The following TRIM9 variants were observed in gnomAD, a reference collection of about 807,000 sequenced individuals.
TRIM9 encodes tripartite motif containing 9.
A neutral mutation model predicts 78.3 loss-of-function variants in TRIM9; 26 were observed. The observed-to-expected ratio is 0.33, with a 90% confidence interval of 0.24 to 0.46. The LOEUF (loss-of-function observed/expected upper bound fraction) is 0.46, where lower values mean the gene tolerates loss of function less well. Ranked by LOEUF, TRIM9 falls within the 20% of genes least tolerant of loss-of-function variation. TRIM9 has a pLI of 1.00. For missense variants in TRIM9, 787 were observed against 1,036.4 expected (o/e 0.76, Z 3.30); for synonymous variants, 398 against 416.5 (o/e 0.96, Z 0.54).
At position 51,000,677 on chromosome 14, in the gene TRIM9, A is replaced by G; in HGVS notation, c.1464+6T>C. The G allele has an allele frequency of 6.2e-7, 1 of 1,613,992 alleles. No homozygotes were observed. The highest frequency in any genetic ancestry group is 8.5e-7 in the Non-Finnish European group (1 of 1,179,914). ...TTAACAAGTACGTAGTGGGCTGTCTACTGACCCGGAATTGACCACCGTTGC... is the reference window on the plus strand; with the variant it reads ...TTAACAAGTACGTAGTGGGCTGTCTGCTGACCCGGAATTGACCACCGTTGC... On this transcript the variant is annotated splice_donor_region_variant and intron_variant, in intron 6 of 12. Coordinates refer to ENST00000684578, the MANE Select transcript of TRIM9 (RefSeq NM_001387360.1).
At position 51,025,272 on chromosome 14, in the gene TRIM9, T is replaced by C. The variant is rs2058112531; in HGVS notation, c.911A>G (p.Gln304Arg). The C allele has an allele frequency of 1.9e-6, 3 of 1,614,224 alleles. No homozygotes were observed. Among genetic ancestry groups the C allele is most frequent in the Non-Finnish European group, 2.5e-6 (3 of 1,180,034 alleles). Reference protein sequence around the residue: ...FLVQLRNMVQQIQENSVEFEA... With the variant: ...FLVQLRNMVQRIQENSVEFEA... Reference sequence around the variant, plus strand: ...CCCAGGTAACACCCATACCTGGATCTGCTGGACCATGTTGCGCAGCTGTAC... The same window carrying C: ...CCCAGGTAACACCCATACCTGGATCCGCTGGACCATGTTGCGCAGCTGTAC... The change falls in exon 2 of 13, where the codon CAG (glutamine) becomes CGG (arginine). Residue 304 changes from glutamine to arginine, a missense_variant. Coordinates refer to ENST00000684578, the MANE Select transcript of TRIM9 (RefSeq NM_001387360.1).
At chr14:51,086,871 A>G (rs1310970179) in intron 1 of TRIM9, among the ~76,000 whole-genome samples, 1 of 152,206 alleles carries the variant, frequency 6.6e-6, no homozygotes, top group Non-Finnish European at 1.5e-5. Flanking sequence ...GAGGGGGGAA[A>G]AGTAAATGAT....
chr14:50,983,004 T>G (rs1596091273), intron 9 of TRIM9, 39 bp from the exon 10 acceptor site: 3 of 1,543,808 alleles, frequency 1.9e-6, no homozygotes, highest in East Asian at 2.5e-5. Context: ...GGGAGAGAGA[T>G]AGGAAGCAAA....
rs185878969 is a variant in TRIM9, at chr14:51,080,835, C to T, written c.822+13283G>A. Among the ~76,000 whole-genome samples, 696 of 152,314 alleles carry T rather than the reference C, an allele frequency of 4.6e-3. 1 individual carries two copies. Among genetic ancestry groups the T allele is most frequent in the Non-Finnish European group, 7.6e-3 (520 of 68,032 alleles). ...GAAGTTGGGTAAGGAGGAGGAGGAA[C>T]AGCTGCTATATCCAGGGACCCTGAT... On this transcript the variant is annotated intron_variant, in intron 1 of 12. Transcript: ENST00000684578.
At chr14:51,023,828 A>G (rs1051868904) in intron 2 of TRIM9, among the ~76,000 whole-genome samples, 1 of 152,234 alleles carries the variant, frequency 6.6e-6, no homozygotes, top group Non-Finnish European at 1.5e-5. Context: ...AGTAATACTT[A>G]AAAAACACCA....
At chr14:51,032,568 T>C (rs1027322841) in intron 1 of TRIM9, among the ~76,000 whole-genome samples, 1 of 152,204 alleles carries the variant, frequency 6.6e-6, no homozygotes, top group African/African-American at 2.4e-5. Context: ...TGTAGTAGGA[T>C]TGGTTGAGGC....
chr14:50,977,090 G>A lies in TRIM9; in HGVS notation c.*201C>T, dbSNP rs561624302. 4 of 382,628 alleles carry A rather than the reference G, an allele frequency of 1.0e-5. No homozygotes were observed. Among genetic ancestry groups the A allele is most frequent in the South Asian group, 1.4e-4 (1 of 7,222 alleles). The allele number at this position is 382,628 out of a possible 1,614,324, so 23.7% of individuals were successfully genotyped here. On this transcript the variant is annotated 3_prime_UTR_variant, in exon 13 of 13. Coordinates refer to ENST00000684578, the MANE Select transcript of TRIM9 (RefSeq NM_001387360.1). ...GGTTAGAATTGTTGGACATGGAAGC[G>A]GAAGCAGGCATGACAGCGGAGGAGA...
At chr14:51,084,917 C>T (rs960969175) in intron 1 of TRIM9, among the ~76,000 whole-genome samples, 4 of 152,150 alleles carry the variant, frequency 2.6e-5, no homozygotes, top group African/African-American at 9.7e-5. Context: ...GTATATTTGA[C>T]CATCCAAGAT....
chr14:51,035,593 A>G (rs1274217637), intron 1 of TRIM9, among the ~76,000 whole-genome samples: 1 of 152,218 alleles, frequency 6.6e-6, no homozygotes, highest in Non-Finnish European at 1.5e-5. Flanking sequence ...GTTCCCTGGT[A>G]GTTTCAGACA....
chr14:50,996,640 C>T (rs72687113), intron 7 of TRIM9: 32,392 of 985,362 alleles, frequency 0.033, 623 homozygotes, highest in Non-Finnish European at 0.036. Flanking sequence ...GGGCCTTCTG[C>T]GTTGCATCTA....
intron 5 of TRIM9, among the ~76,000 whole-genome samples, chr14:51,002,265 G>A (rs1233472331): frequency 2.7e-5 from 4 of 150,902 alleles, no homozygotes; most frequent in Non-Finnish European, 5.9e-5. Flanking sequence ...GGGACTACAG[G>A]CCCCTGCCAC....
intron 3 of TRIM9, among the ~76,000 whole-genome samples, chr14:51,021,837 C>T (rs1393313712): frequency 6.6e-6 from 1 of 152,192 alleles, no homozygotes; most frequent in Non-Finnish European, 1.5e-5. Context: ...GAGGACCAGT[C>T]CTGCCAATAG....
At position 50,977,008 on chromosome 14, in the gene TRIM9, A is replaced by G. The variant is rs1449368720; in HGVS notation, c.*283T>C. On this transcript the variant is annotated 3_prime_UTR_variant, in exon 13 of 13. Coordinates refer to ENST00000684578, the MANE Select transcript of TRIM9 (RefSeq NM_001387360.1). ...CTACATAAAAAATTAAGTTAAATAAAAGCAAAATCTGGGAGTGGGAACCAA... is the reference window on the plus strand; with the variant it reads ...CTACATAAAAAATTAAGTTAAATAAGAGCAAAATCTGGGAGTGGGAACCAA... The G allele has an allele frequency of 3.3e-6, 1 of 298,520 alleles. No homozygotes were observed. The highest frequency in any genetic ancestry group is 5.1e-5 in the Admixed American group (1 of 19,622). The allele number at this position is 298,520 out of a possible 1,614,324, so 18.5% of individuals were successfully genotyped here.
chr14:50,983,170 A>AACTG (rs1230277878), intron 9 of TRIM9, among the ~76,000 whole-genome samples: 1 of 152,228 alleles, frequency 6.6e-6, no homozygotes, highest in Non-Finnish European at 1.5e-5. Context: ...TGTAAAAGAA[A>AACTG]ACTGGGGGAA....
At chr14:51,042,925 T>C (rs186447662) in intron 1 of TRIM9, among the ~76,000 whole-genome samples, 82 of 152,356 alleles carry the variant, frequency 5.4e-4, no homozygotes, top group Admixed American at 4.3e-3. Flanking sequence ...GGAATGTAGG[T>C]ATGTAAATAT....
At chr14:50,985,326 T>C (rs185621369) in intron 8 of TRIM9, among the ~76,000 whole-genome samples, 4 of 152,298 alleles carry the variant, frequency 2.6e-5, no homozygotes, top group East Asian at 3.9e-4. Flanking sequence ...CGGCTAGCAG[T>C]GATCCCACCC....
At chr14:50,996,023 A>C (rs2054170317) in intron 7 of TRIM9, 1 of 870,780 alleles carries the variant, frequency 1.1e-6, no homozygotes, top group African/African-American at 1.8e-5. Flanking sequence ...GTCTCACTGA[A>C]TGTATTAGAA....
At chr14:51,026,118 G>C (rs1001616488) in intron 1 of TRIM9, among the ~76,000 whole-genome samples, 1 of 152,224 alleles carries the variant, frequency 6.6e-6, no homozygotes, top group Non-Finnish European at 1.5e-5. Context: ...CGACACCTAA[G>C]TGGAAGTCTG....
At chr14:50,988,326 A>G (rs894322664) in intron 7 of TRIM9, 6 of 152,216 alleles carry the variant, frequency 3.9e-5, no homozygotes, top group Admixed American at 3.9e-4. Context: ...CAATCCCATC[A>G]TAAATTGTAC....
Sources: gnomAD v4.1 joint callset for allele counts (sites outside exome capture counted in the v4.1 genomes callset) on GRCh38, gnomAD v4.1.1 for gene constraint, MANE v1.5 for transcripts, NCBI Gene and HGNC (gene_info 2026-07-23, HGNC 2026-07-21) for gene names.